Variants in FAT3 observed in about 807,000 individuals in gnomAD.
The protein encoded by FAT3 is protocadherin Fat 3.
A neutral mutation model predicts 310.2 loss-of-function variants in FAT3; 95 were observed. The observed-to-expected ratio is 0.31, with a 90% CI of 0.26 to 0.36. FAT3 has a LOEUF of 0.36. FAT3 is among the 10% of genes least tolerant of loss of function. FAT3 has a pLI of 1.00. For synonymous variants in FAT3, 2,314 were observed against 2,192.9 expected (o/e 1.06, Z -1.54); for missense variants, 5,408 against 5,715.6 (o/e 0.95, Z 1.74).
At chr11:92,484,890 G>T (rs1382197423) in intron 2 of FAT3, among the ~76,000 whole-genome samples, 1 of 152,198 alleles carries the variant, frequency 6.6e-6, no homozygotes, top group Non-Finnish European at 1.5e-5. Flanking sequence ...TCATAAAGAA[G>T]TTAATTGGAC....
rs575956546 is a variant in FAT3, at chr11:92,650,402, T to C, written c.3608-46982T>C. Among the ~76,000 whole-genome samples, 3 of 152,330 alleles carry C rather than the reference T, an allele frequency of 2.0e-5. 1 individual carries two copies. The South Asian group carries it at 6.2e-4, about 32-fold the overall frequency. ...ATACCTATCCTTCTGTTTGCACTCA[T>C]TAATACGCACTGTCCTTCTTATTTC... On this transcript the variant is annotated intron_variant, in intron 3 of 27. Coordinates refer to ENST00000525166, the MANE Select transcript of FAT3 (RefSeq NM_001367949.2).
At chr11:92,439,937 AAAG>A (rs774882939) in intron 2 of FAT3, among the ~76,000 whole-genome samples, 118 of 150,568 alleles carry the variant, frequency 7.8e-4, no homozygotes, top group African/African-American at 2.8e-3. Flanking sequence ...AAAAGAAAAG[AAAG>A]AAAAAAAAAA....
chr11:92,854,702 A>G (rs1948924798), intron 19 of FAT3, among the ~76,000 whole-genome samples: 1 of 152,228 alleles, frequency 6.6e-6, no homozygotes, highest in Admixed American at 6.5e-5. Context: ...TATCTTTGCT[A>G]TCATGCATCT....
intron 13 of FAT3, among the ~76,000 whole-genome samples, chr11:92,811,131 T>G (rs762609047): frequency 6.6e-6 from 1 of 152,186 alleles, no homozygotes; most frequent in Non-Finnish European, 1.5e-5. Flanking sequence ...TTTAAAAGTC[T>G]ACATATTAAA....
In FAT3 at chr11:92,891,232, C is replaced by A; in HGVS notation, c.*119C>A. The A allele has an allele frequency of 1.5e-6, 2 of 1,305,074 alleles. No individual in the cohort carries two copies. Among genetic ancestry groups the A allele is most frequent in the South Asian group, 1.4e-5 (1 of 69,392 alleles). 80.8% of individuals were successfully genotyped at this position (1,305,074 alleles called of 1,614,324 possible). ...GAGAAGGGAATACTGTATTTTTCCA[C>A]TAGAAACTTCTTCACAAGTCATACT... On this transcript the variant is annotated 3_prime_UTR_variant, in exon 28 of 28. Coordinates refer to ENST00000525166, the MANE Select transcript of FAT3 (RefSeq NM_001367949.2).
At chr11:92,446,109 C>A (rs914905756) in intron 2 of FAT3, among the ~76,000 whole-genome samples, 1 of 152,116 alleles carries the variant, frequency 6.6e-6, no homozygotes, top group Non-Finnish European at 1.5e-5. Context: ...CCTAAAGTCA[C>A]TGATCCTCAG....
At chr11:92,411,058 T>TAAATATATATAATATATAA (rs1292076606) in intron 2 of FAT3, among the ~76,000 whole-genome samples, 5,115 of 143,322 alleles carry the variant, frequency 0.036, 113 homozygotes, top group African/African-American at 0.056. Flanking sequence ...AATATATATA[T>TAAATATATATAATATATAA]AAATATATAT....
intron 3 of FAT3, among the ~76,000 whole-genome samples, chr11:92,565,343 G>A (rs1955390544): frequency 7.1e-6 from 1 of 141,342 alleles, no homozygotes; most frequent in Non-Finnish European, 1.6e-5. Context: ...CCAGGAAGAA[G>A]TTGCATCTCT....
chr11:92,494,539 C>T (rs952677849), intron 2 of FAT3, among the ~76,000 whole-genome samples: 3 of 151,954 alleles, frequency 2.0e-5, no homozygotes, highest in African/African-American at 7.2e-5. Flanking sequence ...TGTAGTGTGT[C>T]AATCACTGTG....
chr11:92,742,049 G>A (rs561897895), intron 4 of FAT3, among the ~76,000 whole-genome samples: 7 of 152,280 alleles, frequency 4.6e-5, no homozygotes, highest in South Asian at 2.1e-4. Flanking sequence ...CTCGGCATCC[G>A]TTATGTGTCA....
chr11:92,759,012 C>T (rs1164091531), intron 4 of FAT3, among the ~76,000 whole-genome samples: 1 of 152,044 alleles, frequency 6.6e-6, no homozygotes, highest in Non-Finnish European at 1.5e-5. Flanking sequence ...AATAGTTGAT[C>T]ATGTTGGTTT....
At chr11:92,627,230 A>G (rs937120841) in intron 3 of FAT3, among the ~76,000 whole-genome samples, 2 of 152,206 alleles carry the variant, frequency 1.3e-5, no homozygotes, top group Admixed American at 1.3e-4. Context: ...AAAGGTTAGT[A>G]AGAAAGACAC....
intron 2 of FAT3, among the ~76,000 whole-genome samples, chr11:92,462,694 C>G (rs1259385127): frequency 6.6e-6 from 1 of 152,168 alleles, no homozygotes; most frequent in Non-Finnish European, 1.5e-5. Flanking sequence ...TTTCTTTGCT[C>G]ATGCCGAAGA....
At chr11:92,664,479 T>A (rs1159307232) in intron 3 of FAT3, among the ~76,000 whole-genome samples, 1 of 152,194 alleles carries the variant, frequency 6.6e-6, no homozygotes, top group Non-Finnish European at 1.5e-5. Context: ...TGATGTGCTG[T>A]TTCTTAACTA....
intron 1 of FAT3, among the ~76,000 whole-genome samples, chr11:92,259,712 G>A (rs1865462684): frequency 6.6e-6 from 1 of 152,042 alleles, no homozygotes; most frequent in Non-Finnish European, 1.5e-5. Flanking sequence ...TAATTATATG[G>A]CTTCTAAGTT....
At chr11:92,396,237 C>A (rs1181216360) in intron 2 of FAT3, among the ~76,000 whole-genome samples, 2 of 152,184 alleles carry the variant, frequency 1.3e-5, no homozygotes, top group East Asian at 3.9e-4. Context: ...TGAATATGAT[C>A]ATGAATCTAC....
At chr11:92,276,670 C>A (rs1355029515) in intron 1 of FAT3, among the ~76,000 whole-genome samples, 3 of 152,140 alleles carry the variant, frequency 2.0e-5, no homozygotes, top group Non-Finnish European at 4.4e-5. Flanking sequence ...ATAGCACAAT[C>A]TGTAGTGGGG....
rs1949964916 is a variant in FAT3, at chr11:92,893,716, A to G, written c.*2603A>G. 1.3e-5 allele frequency: 2 copies of G among 152,244 alleles called. No individual in the cohort carries two copies. The allele number at this position is 152,244 out of a possible 1,614,324, so 9.4% of individuals were successfully genotyped here. On this transcript the variant is annotated 3_prime_UTR_variant, in exon 28 of 28. Coordinates refer to ENST00000525166, the MANE Select transcript of FAT3 (RefSeq NM_001367949.2). ...CTGCAGAATAGCTCTGCAGCTAAAT[A>G]TATACCAGGCAAGCATGTATTGTGT...
chr11:92,715,666 C>A (rs1381883027), intron 4 of FAT3, among the ~76,000 whole-genome samples: 1 of 151,914 alleles, frequency 6.6e-6, no homozygotes, highest in African/African-American at 2.4e-5. Flanking sequence ...AGGTGAAGTA[C>A]TTATGAACTG....
Sources: allele counts gnomAD v4.1 joint callset (sites outside exome capture counted in the v4.1 genomes callset), GRCh38; gene constraint gnomAD v4.1.1; transcripts MANE v1.5; gene names NCBI Gene and HGNC (gene_info 2026-07-23, HGNC 2026-07-21).